The following SPAG5 variants were observed in gnomAD, a reference collection of about 807,000 sequenced individuals.
SPAG5 encodes sperm-associated antigen 5.
In SPAG5, 99 loss-of-function variants were observed where a neutral mutation model predicts 145.4. The ratio of observed to expected loss-of-function variants is 0.68; its 90% CI spans 0.58 to 0.80. SPAG5 has a LOEUF of 0.80. SPAG5 is among the 30% of genes least tolerant of loss of function. The pLI is 0.00. For synonymous variants in SPAG5, 477 were observed against 525.4 expected (o/e 0.91, Z 1.26); for missense variants, 1,192 against 1,416.0 (o/e 0.84, Z 2.54).
intron 4 of SPAG5, among the ~76,000 whole-genome samples, chr17:28,588,769 C>A (rs1026646588): frequency 1.3e-5 from 2 of 152,098 alleles, no homozygotes; most frequent in Non-Finnish European, 2.9e-5. Context: ...GCAACCTCTA[C>A]CTCCTAGGTT....
chr17:28,591,738 G>C lies in SPAG5; in HGVS notation c.1397C>G (p.Thr466Ser). ...GTCAGTCTGTGTGCTACTGTCCTGG[G>C]TTTCTGGGTGAGGGACAGCCAGCTG... ...KSQLAVPHPE[T>S]QDSSTQTDTS... is the part of the protein sequence containing the mutation. The change falls in exon 4 of 24, where the codon ACC (threonine) becomes AGC (serine). Residue 466 changes from threonine (T) to serine (S), a missense_variant. By Grantham distance (58) the Thr-to-Ser change is moderately conservative. Coordinates refer to ENST00000321765, the MANE Select transcript of SPAG5 (RefSeq NM_006461.4). 1 of 1,614,134 alleles carries C rather than the reference G, an allele frequency of 6.2e-7. No homozygotes were observed. The highest frequency in any genetic ancestry group is 8.5e-7 in the Non-Finnish European group (1 of 1,180,040).
chr17:28,578,295 A>G lies in SPAG5; in HGVS notation c.3355-3T>C. 1 of 1,614,110 alleles carries G rather than the reference A, an allele frequency of 6.2e-7. No homozygotes were observed. Among genetic ancestry groups the G allele is most frequent in the Non-Finnish European group, 8.5e-7 (1 of 1,180,000 alleles). ...AACATCACTCTCAGTTTGTCCACCT[A>G]GAAATATGTCCAGATCAACAGGGGT... On this transcript the variant is annotated splice_region_variant and splice_polypyrimidine_tract_variant and intron_variant, in intron 21 of 23. Transcript: ENST00000321765.
chr17:28,579,922 C>T (rs1304899425), intron 16 of SPAG5, 85 bp from the exon 17 acceptor site: 6 of 1,532,366 alleles, frequency 3.9e-6, no homozygotes, highest in African/African-American at 2.7e-5. Flanking sequence ...GTAAGATAGA[C>T]AAGCCCGCTG....
rs962126584 is a variant in SPAG5, at chr17:28,592,110, A to G, written c.1134T>C (p.Pro378=). 10 of 1,613,958 alleles carry G rather than the reference A, an allele frequency of 6.2e-6. No homozygotes were observed. The highest frequency in any genetic ancestry group is 7.6e-6 in the Non-Finnish European group (9 of 1,180,022). ...MLRDAAIGTT[P]FSTCSVGTWF... is the part of the protein sequence containing the mutation. Reference sequence around the variant, plus strand: ...AAGTCCCCACCGAGCAAGTAGAGAAAGGGGTAGTGCCAATTGCAGCATCCC... The same window carrying G: ...AAGTCCCCACCGAGCAAGTAGAGAAGGGGGTAGTGCCAATTGCAGCATCCC... Residue 378 remains proline (P), a synonymous_variant, in exon 3 of 24, where the codon CCT becomes CCC. Transcript: ENST00000321765.
At chr17:28,597,847 A>G (rs2070678368) in intron 2 of SPAG5, among the ~76,000 whole-genome samples, 1 of 152,250 alleles carries the variant, frequency 6.6e-6, no homozygotes, top group Non-Finnish European at 1.5e-5. Context: ...GAGGGAAAAT[A>G]TGGTAAACTA....
chr17:28,588,010 T>C (rs2070597219), intron 4 of SPAG5, among the ~76,000 whole-genome samples: 1 of 152,108 alleles, frequency 6.6e-6, no homozygotes, highest in Admixed American at 6.5e-5. Flanking sequence ...AGAAGACAAG[T>C]TCTAAGAGAA....
At chr17:28,582,259 A>T (rs1245320446) in intron 15 of SPAG5, among the ~76,000 whole-genome samples, 1 of 152,176 alleles carries the variant, frequency 6.6e-6, no homozygotes, top group East Asian at 1.9e-4. Context: ...TGCCTTGTTC[A>T]TCCTCTAGTC....
chr17:28,593,337 A>T (rs1442352327), intron 2 of SPAG5, among the ~76,000 whole-genome samples: 1 of 152,216 alleles, frequency 6.6e-6, no homozygotes, highest in Non-Finnish European at 1.5e-5. Flanking sequence ...GTAGCTTGAA[A>T]GTGACCCCAC....
chr17:28,579,126 A>G lies in SPAG5; in HGVS notation c.3117+15T>C. 1 of 1,595,482 alleles carries G rather than the reference A, an allele frequency of 6.3e-7. No individual in the cohort carries two copies. Among genetic ancestry groups the G allele is most frequent in the South Asian group, 1.1e-5 (1 of 90,392 alleles). ...CCCAGTTCTTCATCGCCCCACTTCTAGGTCCCTCCTTCACCTTGTAGCGCA... is the reference window on the plus strand; with the variant it reads ...CCCAGTTCTTCATCGCCCCACTTCTGGGTCCCTCCTTCACCTTGTAGCGCA... On this transcript the variant is annotated intron_variant, in intron 19 of 23. Coordinates refer to ENST00000321765, the MANE Select transcript of SPAG5 (RefSeq NM_006461.4).
At chr17:28,593,187 G>T in intron 2 of SPAG5, 121 bp from the exon 3 acceptor site, 2 of 1,274,200 alleles carry the variant, frequency 1.6e-6, no homozygotes, top group African/African-American at 1.5e-5. Context: ...GCTTAGGTAA[G>T]AACTTGGCTA....
chr17:28,598,675 C>G, intron 1 of SPAG5, 40 bp from the exon 2 acceptor site: 2 of 1,566,790 alleles, frequency 1.3e-6, no homozygotes, highest in Non-Finnish European at 8.7e-7. Flanking sequence ...TGTGAGGAAG[C>G]CTGGGTTCTG....
intron 14 of SPAG5, 22 bp downstream of exon 14, chr17:28,583,831 T>G (rs1308058949): frequency 1.3e-6 from 2 of 1,597,660 alleles, no homozygotes; most frequent in African/African-American, 1.3e-5. Context: ...TAGGGGGAAG[T>G]ACAGAAAGTT....
At chr17:28,590,392 C>G (rs868098867) in intron 4 of SPAG5, among the ~76,000 whole-genome samples, 10 of 151,998 alleles carry the variant, frequency 6.6e-5, no homozygotes, top group African/African-American at 2.4e-4. Context: ...CCACACCCAG[C>G]TAATTTTTGT....
chr17:28,598,350 C>CT lies in SPAG5; in HGVS notation c.177+159dup, dbSNP rs796623620. 6.0e-6 allele frequency: 5 copies of CT among 830,610 alleles called. No homozygotes were observed. The East Asian group carries it at 1.5e-4, about 24-fold the overall frequency. 51.5% of individuals were successfully genotyped at this position (830,610 alleles called of 1,614,324 possible). A position where few individuals can be genotyped will look rare whatever the true frequency, so the allele number is the denominator to read the frequency against. ...TCTCACTGGATTTCCTTTAACCACC[C>CT]TAGGGCACCTCTCTGTTGGCCTGAA... is the stretch of plus-strand genomic sequence containing the variant. On this transcript the variant is annotated intron_variant, in intron 2 of 23. Coordinates refer to ENST00000321765, the MANE Select transcript of SPAG5 (RefSeq NM_006461.4).
intron 10 of SPAG5, 61 bp downstream of exon 10, chr17:28,585,039 GCT>G (rs2070574683): frequency 2.2e-6 from 3 of 1,387,994 alleles, no homozygotes; most frequent in Non-Finnish European, 3.1e-6. Context: ...AGGGTAAGAG[GCT>G]AATGGTATCA....
intron 2 of SPAG5, among the ~76,000 whole-genome samples, chr17:28,598,209 AC>A (rs2070682003): frequency 1.3e-5 from 2 of 152,144 alleles, no homozygotes; most frequent in African/African-American, 4.8e-5. Flanking sequence ...TCCGTAAGTG[AC>A]CCCATGTTGG....
intron 10 of SPAG5, 28 bp from the exon 11 acceptor site, chr17:28,584,773 A>C: frequency 1.3e-6 from 2 of 1,511,798 alleles, no homozygotes; most frequent in Non-Finnish European, 1.8e-6. Context: ...TTTTCCTCCT[A>C]TAGTTCCTCC....
chr17:28,595,748 C>CA (rs1030720304), intron 2 of SPAG5, among the ~76,000 whole-genome samples: 116 of 118,250 alleles, frequency 9.8e-4, no homozygotes, highest in African/African-American at 2.5e-3. Context: ...GATCCTGTCT[C>CA]AAAAAAAAAA....
Position 28,592,049 on chromosome 17 carries a change from T to C in SPAG5, c.1195A>G (p.Asn399Asp), listed in dbSNP as rs2070625332. 1.9e-6 allele frequency: 3 copies of C among 1,614,090 alleles called. No individual in the cohort carries two copies. Among genetic ancestry groups the C allele is most frequent in the Non-Finnish European group, 1.7e-6 (2 of 1,179,994 alleles). The change falls in exon 3 of 24, where the codon AAC becomes GAC. Residue 399 changes from asparagine to aspartate, a missense_variant. This residue lies in a region of SPAG5 where 125 missense variants were observed against 143.8 expected (regional missense o/e 0.87). Coordinates refer to ENST00000321765, the MANE Select transcript of SPAG5 (RefSeq NM_006461.4). ...CCAACCAGGCCTGTCTGGGATGTGT[T>C]TGTACTCTTTTCCTGTGGTGCTGAA... Reference protein sequence around the residue: ...TPSAPQEKSTNTSQTGLVGTK... With the variant: ...TPSAPQEKSTDTSQTGLVGTK...
Sources: gnomAD v4.1 joint callset for allele counts (sites outside exome capture counted in the v4.1 genomes callset) on GRCh38, gnomAD v4.1.1 for gene constraint, gnomAD v4.1.1 regional missense constraint, MANE v1.5 for transcripts, NCBI Gene and HGNC (gene_info 2026-07-23, HGNC 2026-07-21) for gene names.